The following TLN1 variants were observed in gnomAD, a reference collection of about 807,000 sequenced individuals.
The protein encoded by TLN1 is talin-1.
In TLN1, 56 loss-of-function variants were observed where a neutral mutation model predicts 292.3. The observed-to-expected ratio is 0.19, with a 90% CI of 0.15 to 0.24. The LOEUF is 0.24. TLN1 is among the 10% of genes least tolerant of loss of function. The pLI is 1.00. For missense variants in TLN1, 2,433 were observed against 3,248.2 expected (o/e 0.75, Z 6.10); for synonymous variants, 1,119 against 1,253.7 (o/e 0.89, Z 2.27).
intron 33 of TLN1, among the ~76,000 whole-genome samples, chr9:35,709,678 G>A (rs533265330): frequency 6.2e-4 from 94 of 151,246 alleles, no homozygotes; most frequent in Admixed American, 1.3e-3. Context: ...CACGAGGTCA[G>A]GAGATCGAGA....
chr9:35,708,612 G>C, intron 33 of TLN1, 128 bp from the exon 34 acceptor site: 27 of 873,402 alleles, frequency 3.1e-5, no homozygotes, highest in Non-Finnish European at 4.1e-5. Context: ...AGTTCTCCAT[G>C]AGTGGAGATA....
intron 34 of TLN1, 128 bp from the exon 35 acceptor site, chr9:35,708,020 AC>A (rs1825596082): frequency 8.0e-6 from 9 of 1,128,186 alleles, no homozygotes; most frequent in Non-Finnish European, 7.5e-6. Flanking sequence ...TAACAGAGTC[AC>A]CTGAAAAGTC....
chr9:35,712,427 C>T (rs1255833226), intron 27 of TLN1, among the ~76,000 whole-genome samples: 2 of 152,096 alleles, frequency 1.3e-5, no homozygotes, highest in Admixed American at 6.5e-5. Flanking sequence ...GGGCAGATCA[C>T]GAGGTCAAGA....
chr9:35,719,943 A>G lies in TLN1; in HGVS notation c.1465-90T>C, dbSNP rs16932581. 5,212 of 1,587,082 alleles carry G rather than the reference A, an allele frequency of 3.3e-3. 139 individuals carry two copies. In the African/African-American group the frequency reaches 0.061, roughly 19 times the overall value. On this transcript the variant is annotated intron_variant, in intron 13 of 56. Coordinates refer to ENST00000314888, the MANE Select transcript of TLN1 (RefSeq NM_006289.4). This position sits in a 1 kb window ranked among gnomAD's most constrained non-coding sequence, Gnocchi z 4.6. Reference sequence around the variant, plus strand: ...GAACCAGGGTCTAGGGAGAGAATACAAATAGGGACCTGGGAAAAGACTGCC... The same window carrying G: ...GAACCAGGGTCTAGGGAGAGAATACGAATAGGGACCTGGGAAAAGACTGCC...
chr9:35,713,402 G>C (rs1825712226), intron 25 of TLN1, 104 bp from the exon 26 acceptor site: 1 of 911,668 alleles, frequency 1.1e-6, no homozygotes, highest in Admixed American at 2.5e-5. Context: ...AAATGTTTTG[G>C]GCTGGGTGCG....
Position 35,707,393 on chromosome 9 carries a change from C to G in TLN1, c.4728G>C (p.Ala1576=), listed in dbSNP as rs756880213. 7.4e-6 allele frequency: 12 copies of G among 1,614,142 alleles called. No homozygotes were observed. Among genetic ancestry groups the G allele is most frequent in the Non-Finnish European group, 7.6e-6 (9 of 1,180,030 alleles). ...GAATGCTGGAGAACTCAGGGTTGGA[C>G]GCAAAGGCACTCAGATTGTCCACAG... is the stretch of plus-strand genomic sequence containing the variant. ...LEAVDNLSAF[A]SNPEFSSIPA... Residue 1576 remains alanine, a synonymous_variant, in exon 36 of 57, where the codon GCG becomes GCC. Coordinates refer to ENST00000314888, the MANE Select transcript of TLN1 (RefSeq NM_006289.4). This position sits in a 1 kb window ranked among gnomAD's most constrained non-coding sequence, Gnocchi z 5.6.
At chr9:35,722,033 A>T (rs1435128464) in intron 9 of TLN1, 86 bp downstream of exon 9, 1 of 1,340,746 alleles carries the variant, frequency 7.5e-7, no homozygotes, top group African/African-American at 1.4e-5. Flanking sequence ...GGGAGATGTG[A>T]CTGAGGGCAA....
At position 35,717,435 on chromosome 9, in the gene TLN1, C is replaced by T. The variant is rs1205462648; in HGVS notation, c.2169G>A (p.Val723=). ...AGACAGGTGAGCTGATTGTAGGTGCCACCACCTGTAGGTAAAGTGAATGTC... is the reference window on the plus strand; with the variant it reads ...AGACAGGTGAGCTGATTGTAGGTGCTACCACCTGTAGGTAAAGTGAATGTC... ...TSQLVACTKV[V]APTISSPVCQ... is the part of the protein sequence containing the mutation. The change falls in exon 19 of 57, where the codon GTG becomes GTA. Residue 723 remains valine, a synonymous_variant. Transcript: ENST00000314888. The surrounding 1 kb of genome is among the most constrained non-coding windows in gnomAD (Gnocchi z 4.7). The T allele has an allele frequency of 2.5e-6, 4 of 1,612,316 alleles. No individual in the cohort carries two copies. The East Asian group carries it at 6.7e-5, about 27-fold the overall frequency.
rs149639715 is a variant in TLN1 at position 35,704,402 on chromosome 9, C to T, written c.5977G>A (p.Asp1993Asn). The part of the protein sequence containing the change: ...SAVSGIIADL[D>N]TTIMFATAGT... ...GCAGTGGCGAACATGATGGTGGTGT[C>T]GAGGTCAGCAATGATACCAGACACA... is the stretch of plus-strand genomic sequence containing the variant. Residue 1993 changes from aspartate (D) to asparagine (N), a missense_variant, in exon 45 of 57, where the codon GAC becomes AAC. By Grantham distance (23) the Asp-to-Asn change is conservative. Coordinates refer to ENST00000314888, the MANE Select transcript of TLN1 (RefSeq NM_006289.4). This position sits in a 1 kb window ranked among gnomAD's most constrained non-coding sequence, Gnocchi z 6.9. 2.9e-4 allele frequency: 467 copies of T among 1,614,202 alleles called. No individual in the cohort carries two copies. The African/African-American group carries it at 5.8e-3, about 20-fold the overall frequency.
chr9:35,700,479 A>G, intron 48 of TLN1, 103 bp from the exon 49 acceptor site: 1 of 1,204,194 alleles, frequency 8.3e-7, no homozygotes, highest in Non-Finnish European at 1.1e-6. Context: ...CACACATCAC[A>G]GTGAATGTAA....
At chr9:35,721,933 G>T in intron 9 of TLN1, 130 bp from the exon 10 acceptor site, 1 of 1,313,980 alleles carries the variant, frequency 7.6e-7, no homozygotes, top group Non-Finnish European at 1.1e-6. Context: ...AAAATGCAGG[G>T]TAGGGAGGGA....
chr9:35,699,636 A>T lies in TLN1; in HGVS notation c.6769-175T>A. 1 of 985,396 alleles carries T rather than the reference A, an allele frequency of 1.0e-6. No individual in the cohort carries two copies. Among genetic ancestry groups the T allele is most frequent in the Non-Finnish European group, 1.2e-6 (1 of 829,930 alleles). 61.0% of individuals were successfully genotyped at this position (985,396 alleles called of 1,614,324 possible). The stretch of plus-strand genomic sequence containing the variant: ...CATCATGCATCACACCTCACACGTG[A>T]TAGAGACAGTGGGGCTGTGTCACTC... On this transcript the variant is annotated intron_variant, in intron 50 of 56. Coordinates refer to ENST00000314888, the MANE Select transcript of TLN1 (RefSeq NM_006289.4). This position sits in a 1 kb window ranked among gnomAD's most constrained non-coding sequence, Gnocchi z 4.0.
chr9:35,705,863 G>A lies in TLN1; in HGVS notation c.5512-12C>T, dbSNP rs781522331. 99 of 1,614,026 alleles carry A rather than the reference G, an allele frequency of 6.1e-5. No individual in the cohort carries two copies. Among genetic ancestry groups the A allele is most frequent in the Non-Finnish European group, 8.4e-5 (99 of 1,179,992 alleles). On this transcript the variant is annotated splice_polypyrimidine_tract_variant and intron_variant, in intron 41 of 56. Coordinates refer to ENST00000314888, the MANE Select transcript of TLN1 (RefSeq NM_006289.4). The stretch of plus-strand genomic sequence containing the variant: ...GGTCCTTCATCTAGCTGAGGGGGGA[G>A]GATAGGGAAAGGGAAAGACTGTTAG...
intron 19 of TLN1, 136 bp from the exon 20 acceptor site, chr9:35,716,692 C>A: frequency 1.1e-6 from 1 of 927,730 alleles, no homozygotes; most frequent in Non-Finnish European, 1.6e-6. Context: ...GGCAAAAGCT[C>A]TTGCATCATT....
At position 35,698,783 on chromosome 9, in the gene TLN1, T is replaced by C. The variant is rs1825413513; in HGVS notation, c.7125+25A>G. 1 of 1,613,698 alleles carries C rather than the reference T, an allele frequency of 6.2e-7. No homozygotes were observed. Among genetic ancestry groups the C allele is most frequent in the East Asian group, 2.2e-5 (1 of 44,870 alleles). ...ACATCAAAGTGCCAACCTGTCCCCA[T>C]TCTTCTGGGTATTTAAGCACTCACC... is the stretch of plus-strand genomic sequence containing the variant. On this transcript the variant is annotated intron_variant, in intron 53 of 56. Coordinates refer to ENST00000314888, the MANE Select transcript of TLN1 (RefSeq NM_006289.4). This position sits in a 1 kb window ranked among gnomAD's most constrained non-coding sequence, Gnocchi z 5.3.
At chr9:35,711,546 T>TC in intron 29 of TLN1, 49 bp downstream of exon 29, 1 of 1,612,836 alleles carries the variant, frequency 6.2e-7, no homozygotes, top group South Asian at 1.1e-5. Flanking sequence ...CTGCCTCCTA[T>TC]CTAACCCTTA....
intron 1 of TLN1, among the ~76,000 whole-genome samples, chr9:35,726,571 T>A (rs1825981783): frequency 6.6e-6 from 1 of 152,234 alleles, no homozygotes; most frequent in South Asian, 2.1e-4. Flanking sequence ...CTAAGGCTCT[T>A]GAAGCCTGCA....
At position 35,700,215 on chromosome 9, in the gene TLN1, A is replaced by G; in HGVS notation, c.6636T>C (p.Ile2212=). The change falls in exon 49 of 57, where the codon ATT becomes ATC. Residue 2212 remains isoleucine (I), a synonymous_variant. Coordinates refer to ENST00000314888, the MANE Select transcript of TLN1 (RefSeq NM_006289.4). Reference sequence around the variant, plus strand: ...CCTTGCAAGCCCGAAGCATATCTGCAATAGCACGGCGGCTCAGATTGGCTG... The same window carrying G: ...CCTTGCAAGCCCGAAGCATATCTGCGATAGCACGGCGGCTCAGATTGGCTG... The part of the protein sequence containing the change: ...IATANLSRRA[I]ADMLRACKEA... The G allele has an allele frequency of 6.2e-7, 1 of 1,607,776 alleles. No homozygotes were observed. The highest frequency in any genetic ancestry group is 8.5e-7 in the Non-Finnish European group (1 of 1,174,592).
intron 48 of TLN1, among the ~76,000 whole-genome samples, chr9:35,701,442 T>C (rs546052645): frequency 3.3e-5 from 5 of 152,188 alleles, no homozygotes; most frequent in Non-Finnish European, 7.3e-5. Flanking sequence ...GCCCAGCTAA[T>C]CTTTAAATTT....
Sources: gnomAD v4.1 joint callset for allele counts (sites outside exome capture counted in the v4.1 genomes callset) on GRCh38, gnomAD v4.1.1 for gene constraint, Gnocchi (gnomAD v3.1) non-coding constraint, MANE v1.5 for transcripts, NCBI Gene and HGNC (gene_info 2026-07-23, HGNC 2026-07-21) for gene names.